Variants in ITGA2B observed in about 807,000 individuals in gnomAD.
The protein encoded by ITGA2B is integrin subunit alpha 2b.
A neutral mutation model predicts 142.0 loss-of-function variants in ITGA2B; 91 were observed. The observed-to-expected ratio is 0.64, with a 90% CI of 0.54 to 0.76. The LOEUF is 0.76. ITGA2B is among the 30% of genes least tolerant of loss of function. The pLI is 0.00. For missense variants in ITGA2B, 1,231 were observed against 1,350.8 expected, an observed-to-expected ratio of 0.91 and a Z score of 1.39; for synonymous variants, 536 against 567.2, an observed-to-expected ratio of 0.94 and a Z score of 0.78.
rs541745180 is a variant in ITGA2B at position 44,379,327 on chromosome 17, T to G, written c.1878+362A>C. ...GTGCTGTGGCACACTCTTGGCTCAC[T>G]GCAACCTCTGCCTCCTGGGTTCAAG... On this transcript the variant is annotated intron_variant, in intron 18 of 29. Transcript: ENST00000262407. Among the ~76,000 whole-genome samples the G allele has an allele frequency of 2.7e-3, 405 of 150,790 alleles. 2 individuals carry two copies. The highest frequency in any genetic ancestry group is 9.4e-3 in the African/African-American group (385 of 40,908).
At chr17:44,384,228 G>T in intron 9 of ITGA2B, 83 bp downstream of exon 9, 1 of 1,589,668 alleles carries the variant, frequency 6.3e-7, no homozygotes, top group African/African-American at 1.3e-5. Flanking sequence ...TGGAGGCGGG[G>T]CGGGGGTGGG....
At chr17:44,376,427 A>C in intron 22 of ITGA2B, 39 bp from the exon 23 acceptor site, 1 of 1,598,392 alleles carries the variant, frequency 6.3e-7, no homozygotes, top group Non-Finnish European at 8.6e-7. Context: ...GGCCAGGGAC[A>C]CCAGCCCAGT....
chr17:44,377,654 TGAGCCCCTG>T lies in ITGA2B; in HGVS notation c.2187+35_2187+43del, dbSNP rs25552. The T allele has an allele frequency of 0.39, 581,622 of 1,503,206 alleles. 110,509 individuals are homozygous for T. The highest frequency in any genetic ancestry group is 0.43 in the East Asian group (18,988 of 44,292). The allele number at this position is 1,503,206 out of a possible 1,614,324, so 93.1% of individuals were successfully genotyped here. A position where few individuals can be genotyped will look rare whatever the true frequency, so the allele number is the denominator to read the frequency against. On this transcript the variant is annotated intron_variant, in intron 21 of 29. Transcript: ENST00000262407. The stretch of plus-strand genomic sequence containing the variant: ...CTCACCCCTAAAATCTGGTTATTCA[TGAGCCCCTG>T]GTGGAGACCCGGTACCACGACCCAG...
Position 44,375,961 on chromosome 17 carries a change from C to G in ITGA2B, c.2473G>C (p.Val825Leu). 6.2e-7 allele frequency: 1 copy of G among 1,614,150 alleles called. No individual in the cohort carries two copies. Among genetic ancestry groups the G allele is most frequent in the Non-Finnish European group, 8.5e-7 (1 of 1,180,012 alleles). Reference sequence around the variant, plus strand: ...TGGATGCTGAGGTGAAGACCATTCACAGTCCCAGGGCCATTGTTGTGGAGC... The same window carrying G: ...TGGATGCTGAGGTGAAGACCATTCAGAGTCCCAGGGCCATTGTTGTGGAGC... ...YELHNNGPGT[V>L]NGLHLSIHLP... The change falls in exon 25 of 30, where the codon GTG (valine) becomes CTG (leucine). Residue 825 changes from valine to leucine, a missense_variant. Val to Leu is a conservative substitution (Grantham distance 32, BLOSUM62 1). Coordinates refer to ENST00000262407, the MANE Select transcript of ITGA2B (RefSeq NM_000419.5).
intron 18 of ITGA2B, among the ~76,000 whole-genome samples, chr17:44,379,162 G>A (rs1162210667): frequency 6.7e-6 from 1 of 149,486 alleles, no homozygotes; most frequent in Non-Finnish European, 1.5e-5. Context: ...CACTGTGTTA[G>A]CCAGGATGGT....
At chr17:44,381,930 C>G (rs1432222942) in intron 12 of ITGA2B, among the ~76,000 whole-genome samples, 2 of 152,140 alleles carry the variant, frequency 1.3e-5, no homozygotes, top group Admixed American at 1.3e-4. Flanking sequence ...GCCTGGCCAT[C>G]TAGCATCTAT....
intron 25 of ITGA2B, 34 bp downstream of exon 25, chr17:44,375,799 G>A (rs1409629794): frequency 1.3e-6 from 2 of 1,559,430 alleles, no homozygotes; most frequent in Non-Finnish European, 1.7e-6. Flanking sequence ...GTCTGGGGCC[G>A]CCTTCCCAGG....
intron 26 of ITGA2B, 44 bp downstream of exon 26, chr17:44,375,547 T>C: frequency 6.2e-7 from 1 of 1,606,796 alleles, no homozygotes; most frequent in East Asian, 2.2e-5. Context: ...CTCTGCCCCG[T>C]GGGTCCCGGG....
At position 44,377,065 on chromosome 17, in the gene ITGA2B, G is replaced by C. The variant is rs752778097; in HGVS notation, c.2211C>G (p.Ser737Arg). The change falls in exon 22 of 30, where the codon AGC (serine) becomes AGG (arginine). Residue 737 changes from serine (S) to arginine (R), a missense_variant. By Grantham distance (110) the Ser-to-Arg change is moderately radical. This residue lies in a region of ITGA2B where 908 missense variants were observed against 1,021.1 expected (regional missense o/e 0.89). Coordinates refer to ENST00000262407, the MANE Select transcript of ITGA2B (RefSeq NM_000419.5). ...CCCCAGCCTCTTCCAGATTCCCCAC[G>C]CTCACCAACATCGCGATTCCTATCT... ...NAQIGIAMLV[S>R]VGNLEEAGES... 6.3e-7 allele frequency: 1 copy of C among 1,587,786 alleles called. No homozygotes were observed. The highest frequency in any genetic ancestry group is 8.6e-7 in the Non-Finnish European group (1 of 1,167,188).
In ITGA2B at chr17:44,385,123, G is replaced by C. The variant is rs2854739; in HGVS notation, c.670+41C>G. The C allele has an allele frequency of 1.7e-5, 28 of 1,614,010 alleles. No individual in the cohort carries two copies. The Middle Eastern group carries it at 6.6e-4, about 38-fold the overall frequency. ...GTGTGAAGCCCAAAGCGGTCTCCTT[G>C]GGCCGCGAGAAGGGAGGGAGGTGTA... is the stretch of plus-strand genomic sequence containing the variant. On this transcript the variant is annotated intron_variant, in intron 6 of 29. Coordinates refer to ENST00000262407, the MANE Select transcript of ITGA2B (RefSeq NM_000419.5).
rs763254222 is a variant in ITGA2B at position 44,374,452 on chromosome 17, G to A, written c.2962C>T (p.Arg988Trp). 68 of 1,613,946 alleles carry A rather than the reference G, an allele frequency of 4.2e-5. No homozygotes were observed. Among genetic ancestry groups the A allele is most frequent in the Middle Eastern group, 1.6e-4 (1 of 6,084 alleles). Residue 988 changes from arginine to tryptophan, a missense_variant, in exon 29 of 30, where the codon CGG (arginine) becomes TGG (tryptophan). Coordinates refer to ENST00000262407, the MANE Select transcript of ITGA2B (RefSeq NM_000419.5). ...GEAQVWTQLL[R>W]ALEERAIPIW... ...GGAATGGCCCTCTCCTCCAAGGCCC[G>A]GAGCAGCTGTGTCCACACCTGGGGG...
At chr17:44,375,441 C>T (rs771123232) in intron 26 of ITGA2B, 150 bp downstream of exon 26, 4 of 911,098 alleles carry the variant, frequency 4.4e-6, no homozygotes, top group Non-Finnish European at 6.6e-6. Flanking sequence ...CACAAGCCAG[C>T]ATGCTCCTCC....
In ITGA2B at chr17:44,385,325, C is replaced by T. The variant is rs754607216; in HGVS notation, c.585G>A (p.Lys195=). 5 of 1,611,642 alleles carry T rather than the reference C, an allele frequency of 3.1e-6. No homozygotes were observed. The East Asian group carries it at 1.1e-4, about 36-fold the overall frequency. Residue 195 remains lysine, a synonymous_variant, in exon 5 of 30, where the codon AAG becomes AAA. Transcript: ENST00000262407. ...IYVENDFSWD[K]RYCEAGFSSV... is the part of the protein sequence containing the mutation. ...AGCTGAAGCCCGCTTCACAGTAACG[C>T]TTGTCCCAGCCTGCAGGAGACAAGG...
At position 44,380,370 on chromosome 17, in the gene ITGA2B, C is replaced by T; in HGVS notation, c.1544+16G>A. 1 of 1,614,072 alleles carries T rather than the reference C, an allele frequency of 6.2e-7. No individual in the cohort carries two copies. The highest frequency in any genetic ancestry group is 8.5e-7 in the Non-Finnish European group (1 of 1,179,958). ...GGTCCCAGATCCTTTAAGGCCCATG[C>T]CCTCTGCCTCCTCACCAGCTCACGG... On this transcript the variant is annotated intron_variant, in intron 15 of 29. Transcript: ENST00000262407.
At position 44,378,508 on chromosome 17, in the gene ITGA2B, TC is replaced by T. The variant is rs2048565339; in HGVS notation, c.1947del (p.Thr650ArgfsTer6). ...CVPQLQLTAS[V>X]TGSPLLVGAD... is the part of the protein sequence containing the mutation. ...GCCCCAACTAGGAGCGGGGAGCCCG[TC>T]CTGTGGGGAAAGAGGAGTGAAGCCA... On this transcript the variant is annotated frameshift_variant and splice_region_variant, in exon 20 of 30. Transcript: ENST00000262407. LOFTEE classifies it high-confidence loss of function. 1 of 1,613,548 alleles carries T rather than the reference TC, an allele frequency of 6.2e-7. No individual in the cohort carries two copies. The highest frequency in any genetic ancestry group is 8.5e-7 in the Non-Finnish European group (1 of 1,179,930).
In ITGA2B at chr17:44,377,101, G is replaced by A. The variant is rs1186845975; in HGVS notation, c.2188-13C>T. ...TCGCGATTCCTATCTGGGAGATGAGGAGGGCCAAGGTCACTGCCCAAGTGC... is the reference window on the plus strand; with the variant it reads ...TCGCGATTCCTATCTGGGAGATGAGAAGGGCCAAGGTCACTGCCCAAGTGC... On this transcript the variant is annotated splice_polypyrimidine_tract_variant and intron_variant, in intron 21 of 29. Coordinates refer to ENST00000262407, the MANE Select transcript of ITGA2B (RefSeq NM_000419.5). The A allele has an allele frequency of 6.4e-7, 1 of 1,558,288 alleles. No homozygotes were observed. Among genetic ancestry groups the A allele is most frequent in the Non-Finnish European group, 8.7e-7 (1 of 1,150,234 alleles).
rs199961276 is a variant in ITGA2B, at chr17:44,375,140, C to T, written c.2728-29G>A. On this transcript the variant is annotated intron_variant, in intron 26 of 29. Transcript: ENST00000262407. ...AGGGGAAGCATCGTCAGTCCCCAGC[C>T]CGTCCCGGCCCATCACCCCATCATC... The T allele has an allele frequency of 8.5e-6, 13 of 1,525,644 alleles. No homozygotes were observed. The Admixed American group carries it at 9.8e-5, about 12-fold the overall frequency. The allele number at this position is 1,525,644 out of a possible 1,614,324, so 94.5% of individuals were successfully genotyped here. A position where few individuals can be genotyped will look rare whatever the true frequency, so the allele number is the denominator to read the frequency against.
Position 44,378,671 on chromosome 17 carries a change from C to T in ITGA2B, c.1918G>A (p.Val640Met). The change falls in exon 19 of 30, where the codon GTG becomes ATG. Residue 640 changes from valine (V) to methionine (M), a missense_variant. Around this residue, in one of 3 missense-constraint regions of ITGA2B, gnomAD observed 908 missense variants for 1,021.1 expected, o/e 0.89. Transcript: ENST00000262407. ...VLDCGEDDVC[V>M]PQLQLTASVT... ...CTGGCAGTGAGCTGAAGCTGGGGCA[C>T]ACATACGTCATCTTCCCCACAGTCC... 6.4e-7 allele frequency: 1 copy of T among 1,561,414 alleles called. No individual in the cohort carries two copies. The highest frequency in any genetic ancestry group is 8.7e-7 in the Non-Finnish European group (1 of 1,152,204).
chr17:44,373,586 G>A (rs959593472), intron 29 of ITGA2B, among the ~76,000 whole-genome samples: 1 of 152,168 alleles, frequency 6.6e-6, no homozygotes, highest in Non-Finnish European at 1.5e-5. Context: ...GCAGAGGAGC[G>A]AGTGACCCTC....
Sources: allele counts gnomAD v4.1 joint callset (sites outside exome capture counted in the v4.1 genomes callset), GRCh38; gene constraint gnomAD v4.1.1; regional missense constraint gnomAD v4.1.1; transcripts MANE v1.5; gene names NCBI Gene and HGNC (gene_info 2026-07-23, HGNC 2026-07-21).